SDK1: variants seen among roughly 807,000 people sequenced by gnomAD.
SDK1 encodes the protein sidekick cell adhesion molecule 1, also known as protein sidekick-1.
SDK1 carries 157 observed loss-of-function variants against 245.5 expected under a neutral mutation model. The observed-to-expected ratio is 0.64, with a 90% CI of 0.56 to 0.73. The LOEUF (loss-of-function observed/expected upper bound fraction) is 0.73, where lower values mean the gene tolerates loss of function less well. Among genes scored for constraint, SDK1 ranks in the 30% least tolerant of loss-of-function variants. The pLI is 0.00. For synonymous variants in SDK1, 1,647 were observed against 1,278.5 expected (o/e 1.29, Z -6.15); for missense variants, 3,583 against 3,002.3 (o/e 1.19, Z -4.52).
chr7:3,710,551 C>G (rs1785018861), intron 4 of SDK1, among the ~76,000 whole-genome samples: 1 of 151,382 alleles, frequency 6.6e-6, no homozygotes, highest in Non-Finnish European at 1.5e-5. Flanking sequence ...AGTGTAGTTT[C>G]TCGTAGTTAA....
intron 19 of SDK1, among the ~76,000 whole-genome samples, chr7:4,055,532 TTTGTTG>T (rs367994049): frequency 1.5e-5 from 2 of 133,958 alleles, no homozygotes; most frequent in Non-Finnish European, 3.0e-5. Flanking sequence ...TTGGTTTGTT[TTTGTTG>T]TTGTTGTTGT....
At position 3,696,572 on chromosome 7, in the gene SDK1, T is replaced by TTGTATG. The variant is rs375803324; in HGVS notation, c.713+54470_713+54471insATGTGT. Among the ~76,000 whole-genome samples the TTGTATG allele has an allele frequency of 1.2e-3, 176 of 148,010 alleles. 1 individual carries two copies. The highest frequency in any genetic ancestry group is 4.3e-3 in the African/African-American group (171 of 39,952). On this transcript the variant is annotated intron_variant, in intron 4 of 44. Transcript: ENST00000404826. ...TCACAGAGCTTACATTTCTCTGTGTTTGTGTGTGTGTGTGTGTGTGTGTGT... is the reference window on the plus strand; with the variant it reads ...TCACAGAGCTTACATTTCTCTGTGTTTGTATGTGTGTGTGTGTGTGTGTGTGTGTGT...
At chr7:3,430,148 G>A (rs1034570356) in intron 1 of SDK1, among the ~76,000 whole-genome samples, 1 of 152,156 alleles carries the variant, frequency 6.6e-6, no homozygotes, top group Non-Finnish European at 1.5e-5. Context: ...GTGCAAGAAT[G>A]GCATCTGCCT....
In SDK1 at chr7:3,525,120, G is replaced by C. The variant is rs567740837; in HGVS notation, c.299-93960G>C. 7.2e-5 allele frequency among the ~76,000 whole-genome samples: 11 copies of C among 152,174 alleles called. No homozygotes were observed. The South Asian group carries it at 1.2e-3, about 17-fold the overall frequency. On this transcript the variant is annotated intron_variant, in intron 1 of 44. Coordinates refer to ENST00000404826, the MANE Select transcript of SDK1 (RefSeq NM_152744.4). ...CAGTGATGATTGGAAGTGTACAGGA[G>C]GATGTGCATGGGTTATTTGTAAATA... is the stretch of plus-strand genomic sequence containing the variant.
intron 1 of SDK1, among the ~76,000 whole-genome samples, chr7:3,306,606 C>T (rs1583661454): frequency 6.6e-6 from 1 of 152,132 alleles, no homozygotes; most frequent in South Asian, 2.1e-4. Context: ...CAGAAGTTTC[C>T]TGGGCCCTCA....
At chr7:3,583,589 C>T (rs892136658) in intron 1 of SDK1, among the ~76,000 whole-genome samples, 1 of 152,098 alleles carries the variant, frequency 6.6e-6, no homozygotes, top group African/African-American at 2.4e-5. Context: ...AAACCCTCTA[C>T]TTGGGGAGTT....
intron 5 of SDK1, among the ~76,000 whole-genome samples, chr7:3,908,067 C>T (rs978193247): frequency 5.3e-5 from 8 of 152,134 alleles, no homozygotes; most frequent in Non-Finnish European, 8.8e-5. Flanking sequence ...TGCGGCTTAG[C>T]TTTCATTATT....
intron 35 of SDK1, among the ~76,000 whole-genome samples, chr7:4,198,423 C>T (rs931146957): frequency 1.3e-5 from 2 of 152,236 alleles, no homozygotes; most frequent in Non-Finnish European, 2.9e-5. Context: ...CACCAGCTCC[C>T]AGTCAAGGCC....
At position 3,523,217 on chromosome 7, in the gene SDK1, C is replaced by T. The variant is rs1242162443; in HGVS notation, c.299-95863C>T. On this transcript the variant is annotated intron_variant, in intron 1 of 44. Coordinates refer to ENST00000404826, the MANE Select transcript of SDK1 (RefSeq NM_152744.4). ...CCTGAATGATGTAATGTTAAAGAGC[C>T]ACTGCAGAAGCATTTGCAAATCATA... 2.6e-5 allele frequency among the ~76,000 whole-genome samples: 4 copies of T among 152,204 alleles called. No homozygotes were observed. The East Asian group carries it at 7.7e-4, about 29-fold the overall frequency.
In SDK1 at chr7:3,406,266, AC is replaced by A. The variant is rs1371534429; in HGVS notation, c.298+104383del. Among the ~76,000 whole-genome samples, 5 of 152,362 alleles carry A rather than the reference AC, an allele frequency of 3.3e-5. No homozygotes were observed. The East Asian group carries it at 9.6e-4, about 29-fold the overall frequency. ...GGCATAGAATTTGGATGTGTATATT[AC>A]ACTGGACTCTTGGCTTTAAAAACCG... On this transcript the variant is annotated intron_variant, in intron 1 of 44. Coordinates refer to ENST00000404826, the MANE Select transcript of SDK1 (RefSeq NM_152744.4).
chr7:3,723,083 C>G (rs1171694062), intron 4 of SDK1, among the ~76,000 whole-genome samples: 1 of 152,222 alleles, frequency 6.6e-6, no homozygotes, highest in Non-Finnish European at 1.5e-5. Context: ...GATAGCATAT[C>G]TGTGTTAGGA....
intron 16 of SDK1, among the ~76,000 whole-genome samples, chr7:4,015,556 A>G (rs1451105004): frequency 1.3e-5 from 2 of 152,170 alleles, no homozygotes; most frequent in Admixed American, 1.3e-4. Context: ...CCAGTGGCCC[A>G]CCGCCTTGAG....
intron 4 of SDK1, among the ~76,000 whole-genome samples, chr7:3,820,015 C>G (rs1196782485): frequency 6.6e-6 from 1 of 152,130 alleles, no homozygotes; most frequent in Non-Finnish European, 1.5e-5. Flanking sequence ...GGTAACACAA[C>G]TCACTCTAGA....
At chr7:4,030,628 A>G (rs1423392602) in intron 17 of SDK1, among the ~76,000 whole-genome samples, 1 of 152,200 alleles carries the variant, frequency 6.6e-6, no homozygotes. Flanking sequence ...GGTGCTATGA[A>G]GCTTCACACA....
chr7:3,403,762 G>A (rs562517620), intron 1 of SDK1, among the ~76,000 whole-genome samples: 7 of 144,720 alleles, frequency 4.8e-5, no homozygotes, highest in Admixed American at 7.1e-5. Context: ...GGCACTGTGC[G>A]TCTGACTGGA....
intron 4 of SDK1, among the ~76,000 whole-genome samples, chr7:3,794,925 C>G (rs1282102266): frequency 6.7e-6 from 1 of 148,212 alleles, no homozygotes; most frequent in African/African-American, 2.6e-5. Flanking sequence ...TATTAATGAG[C>G]TTTTTATTTA....
At chr7:3,326,267 C>A (rs1204536100) in intron 1 of SDK1, among the ~76,000 whole-genome samples, 1 of 152,142 alleles carries the variant, frequency 6.6e-6, no homozygotes, top group African/African-American at 2.4e-5. Context: ...TGGTTATATA[C>A]ATATGTAAAA....
intron 4 of SDK1, among the ~76,000 whole-genome samples, chr7:3,697,448 C>T (rs1015272481): frequency 1.3e-5 from 2 of 152,224 alleles, no homozygotes; most frequent in African/African-American, 4.8e-5. Flanking sequence ...AATCTGTCTT[C>T]AGCTCTGCTT....
At chr7:4,118,284 C>G (rs952896844) in intron 25 of SDK1, among the ~76,000 whole-genome samples, 2 of 152,162 alleles carry the variant, frequency 1.3e-5, no homozygotes, top group African/African-American at 4.8e-5. Flanking sequence ...AGACATTCCT[C>G]CCAAGGAGAT....
Sources: allele counts gnomAD v4.1 joint callset (sites outside exome capture counted in the v4.1 genomes callset), GRCh38; gene constraint gnomAD v4.1.1; transcripts MANE v1.5; gene names NCBI Gene and HGNC (gene_info 2026-07-23, HGNC 2026-07-21).